TCF12: variants seen among roughly 807,000 people sequenced by gnomAD.
The protein encoded by TCF12 is DNA-binding protein HTF4.
A neutral mutation model predicts 86.0 loss-of-function variants in TCF12; 45 were observed. The observed-to-expected ratio is 0.52, with a 90% CI of 0.41 to 0.67. The LOEUF (loss-of-function observed/expected upper bound fraction) is 0.67, where lower values mean the gene tolerates loss of function less well. TCF12 is among the 30% of genes least tolerant of loss of function. TCF12 has a pLI of 0.00. For synonymous variants in TCF12, 330 were observed against 299.6 expected (o/e 1.10, Z -1.05); for missense variants, 881 against 859.9 (o/e 1.02, Z -0.31).
At chr15:57,086,970 A>T (rs2048678271) in intron 4 of TCF12, among the ~76,000 whole-genome samples, 2 of 152,056 alleles carry the variant, frequency 1.3e-5, no homozygotes, top group South Asian at 4.2e-4. Context: ...GAGAAACCAG[A>T]TAAGAGTACT....
At chr15:57,185,142 C>G (rs2056594104) in intron 6 of TCF12, among the ~76,000 whole-genome samples, 2 of 152,136 alleles carry the variant, frequency 1.3e-5, no homozygotes, top group African/African-American at 4.8e-5. Context: ...TCTCTACTTT[C>G]CTCCTTTATA....
intron 7 of TCF12, among the ~76,000 whole-genome samples, chr15:57,194,371 G>A (rs1020082850): frequency 3.4e-5 from 4 of 116,372 alleles, no homozygotes; most frequent in Non-Finnish European, 8.8e-5. Context: ...AAATAATTTG[G>A]CCAAGGCTTG....
chr15:57,163,137 G>A (rs772765999), intron 5 of TCF12, among the ~76,000 whole-genome samples: 1 of 151,842 alleles, frequency 6.6e-6, no homozygotes, highest in Admixed American at 6.6e-5. Context: ...CCATGCCATT[G>A]CACTCCAGCC....
At chr15:57,231,374 G>T (rs1257850038) in intron 9 of TCF12, 117 bp downstream of exon 9, 2 of 717,568 alleles carry the variant, frequency 2.8e-6, no homozygotes, top group South Asian at 1.9e-5. Flanking sequence ...CATTTTTTTT[G>T]GCTAAATTAA....
At chr15:57,197,733 G>C (rs1383924421) in intron 7 of TCF12, 40 bp from the exon 8 acceptor site, 1 of 1,599,462 alleles carries the variant, frequency 6.3e-7, no homozygotes, top group Non-Finnish European at 8.5e-7. Context: ...TTTTTTTCTG[G>C]TATATTATGC....
chr15:57,162,985 C>T lies in TCF12; in HGVS notation c.326-3417C>T, dbSNP rs981380237. On this transcript the variant is annotated intron_variant, in intron 5 of 20. Transcript: ENST00000333725. ...GGTCAGGAGTTCGAGACCAGCCTGG[C>T]CAACATAGTGAAACCCTATCTCGAC... Among the ~76,000 whole-genome samples, 32 of 151,868 alleles carry T rather than the reference C, an allele frequency of 2.1e-4. 1 individual carries two copies. Among genetic ancestry groups the T allele is most frequent in the Non-Finnish European group, 1.3e-4 (9 of 67,984 alleles).
chr15:56,950,161 C>A (rs916929767), intron 3 of TCF12, among the ~76,000 whole-genome samples: 3 of 152,148 alleles, frequency 2.0e-5, no homozygotes, highest in African/African-American at 7.2e-5. Context: ...TCCCTACTCC[C>A]ACATAACTAC....
At chr15:57,149,213 G>A (rs1478503737) in intron 5 of TCF12, among the ~76,000 whole-genome samples, 4 of 152,168 alleles carry the variant, frequency 2.6e-5, no homozygotes, top group African/African-American at 9.7e-5. Flanking sequence ...ATTTTCACCA[G>A]TGTTTTTCAT....
At chr15:57,145,074 GA>G (rs1426090172) in intron 5 of TCF12, among the ~76,000 whole-genome samples, 2 of 152,160 alleles carry the variant, frequency 1.3e-5, no homozygotes, top group African/African-American at 2.4e-5. Flanking sequence ...TGAGCCAAAA[GA>G]AAATAAGAAC....
chr15:56,927,104 T>C (rs12440245), intron 3 of TCF12, among the ~76,000 whole-genome samples: 6,150 of 152,256 alleles, frequency 0.04, 374 homozygotes, highest in Admixed American at 0.17. Context: ...GAGAAATGAC[T>C]CAAGATTGCA....
chr15:57,044,690 G>A (rs1324521720), intron 3 of TCF12, among the ~76,000 whole-genome samples: 2 of 151,274 alleles, frequency 1.3e-5, no homozygotes, highest in Non-Finnish European at 2.9e-5. Flanking sequence ...GCTGACTTTA[G>A]TCATGTGATT....
chr15:57,141,507 G>A (rs763508763), intron 5 of TCF12, among the ~76,000 whole-genome samples: 5 of 152,182 alleles, frequency 3.3e-5, no homozygotes, highest in African/African-American at 9.6e-5. Context: ...GCGCCACCAC[G>A]CCCAACTAAT....
intron 6 of TCF12, among the ~76,000 whole-genome samples, chr15:57,187,880 T>C (rs1242490516): frequency 6.6e-6 from 1 of 151,902 alleles, no homozygotes; most frequent in Non-Finnish European, 1.5e-5. Context: ...CAGTGAGCCA[T>C]GATTGTGCCA....
intron 5 of TCF12, among the ~76,000 whole-genome samples, chr15:57,094,704 G>C (rs542135968): frequency 1.9e-4 from 29 of 152,342 alleles, no homozygotes; most frequent in African/African-American, 7.0e-4. Flanking sequence ...TGCTGTGCAT[G>C]ATGAATGTTC....
chr15:57,259,725 A>G (rs2060501851), intron 16 of TCF12, among the ~76,000 whole-genome samples: 1 of 152,234 alleles, frequency 6.6e-6, no homozygotes, highest in African/African-American at 2.4e-5. Flanking sequence ...GCAGCCTGTC[A>G]GCTGTATGCT....
chr15:57,099,841 C>T (rs1301618610), intron 5 of TCF12, among the ~76,000 whole-genome samples: 1 of 151,476 alleles, frequency 6.6e-6, no homozygotes. Flanking sequence ...TTGAGACAAC[C>T]GTACTATCTG....
intron 5 of TCF12, among the ~76,000 whole-genome samples, chr15:57,149,317 T>G (rs1341032377): frequency 6.6e-6 from 1 of 152,188 alleles, no homozygotes; most frequent in Non-Finnish European, 1.5e-5. Flanking sequence ...AAATACATGA[T>G]ACTGAATTTG....
chr15:56,935,460 GTC>G (rs1268843782), intron 3 of TCF12, among the ~76,000 whole-genome samples: 1 of 151,964 alleles, frequency 6.6e-6, no homozygotes, highest in African/African-American at 2.4e-5. Context: ...GCCCTTTGGT[GTC>G]TCTCTTTTTT....
intron 5 of TCF12, among the ~76,000 whole-genome samples, chr15:57,101,397 GAC>G (rs1819031551): frequency 1.3e-5 from 2 of 152,106 alleles, no homozygotes; most frequent in Admixed American, 6.6e-5. Context: ...TCTTTGTAGA[GAC>G]ACAGTCTTGT....
Sources: allele counts gnomAD v4.1 joint callset (sites outside exome capture counted in the v4.1 genomes callset), GRCh38; gene constraint gnomAD v4.1.1; transcripts MANE v1.5; gene names NCBI Gene and HGNC (gene_info 2026-07-23, HGNC 2026-07-21).